Variants in LDAH observed in about 807,000 individuals in gnomAD.
LDAH encodes lipid droplet-associated hydrolase.
Under a neutral mutation model 29.6 loss-of-function variants are expected in LDAH, and 26 were observed. The ratio of observed to expected loss-of-function variants is 0.88; its 90% CI spans 0.64 to 1.22. The LOEUF is 1.22. Among genes scored for constraint, LDAH ranks in the 50% most tolerant of loss-of-function variants. The pLI is 0.00. For synonymous variants in LDAH, 117 were observed against 133.0 expected (o/e 0.88, Z 0.83); for missense variants, 344 against 387.3 (o/e 0.89, Z 0.94).
At chr2:20,751,829 A>G (rs1667993889) in intron 4 of LDAH, among the ~76,000 whole-genome samples, 1 of 152,228 alleles carries the variant, frequency 6.6e-6, no homozygotes, top group Non-Finnish European at 1.5e-5. Context: ...TACTGTATCA[A>G]TGATGAGTGG....
At chr2:20,806,259 G>C (rs913270637) in intron 1 of LDAH, among the ~76,000 whole-genome samples, 1 of 152,148 alleles carries the variant, frequency 6.6e-6, no homozygotes, top group African/African-American at 2.4e-5. Context: ...TGAACAGGAA[G>C]CTTCTAAAAC....
At chr2:20,789,737 C>T (rs555713689) in intron 3 of LDAH, among the ~76,000 whole-genome samples, 4 of 152,156 alleles carry the variant, frequency 2.6e-5, no homozygotes, top group East Asian at 1.9e-4. Context: ...TGAGCATTAC[C>T]GCCTGAGCTC....
At chr2:20,763,741 C>T (rs1398078264) in intron 4 of LDAH, among the ~76,000 whole-genome samples, 2 of 152,168 alleles carry the variant, frequency 1.3e-5, no homozygotes, top group African/African-American at 2.4e-5. Flanking sequence ...GGGAACTTTT[C>T]GATATCTGAC....
intron 5 of LDAH, among the ~76,000 whole-genome samples, chr2:20,720,710 A>G (rs1265397176): frequency 6.6e-6 from 1 of 152,124 alleles, no homozygotes; most frequent in African/African-American, 2.4e-5. Flanking sequence ...CAAAGCTGGA[A>G]GCATCATACT....
Position 20,789,327 on chromosome 2 carries a change from A to AT in LDAH, c.298+927_298+928insA, listed in dbSNP as rs1423234164. ...CCTCCTGTGTCCACCACGAGAGGAC[A>AT]GCAAGAATGCCACCTGTGAATCGGG... On this transcript the variant is annotated intron_variant, in intron 3 of 6. Transcript: ENST00000237822. 39 of 1,536,426 alleles carry AT rather than the reference A, an allele frequency of 2.5e-5. No individual in the cohort carries two copies. In the African/African-American group the frequency reaches 4.4e-4, roughly 17 times the overall value.
chr2:20,729,660 A>T (rs1361580384), intron 5 of LDAH, among the ~76,000 whole-genome samples: 3 of 152,182 alleles, frequency 2.0e-5, no homozygotes, highest in African/African-American at 7.2e-5. Context: ...TTTTAATTCA[A>T]CTTTTATTTT....
chr2:20,775,549 A>C (rs1669754833), intron 3 of LDAH, among the ~76,000 whole-genome samples: 1 of 152,230 alleles, frequency 6.6e-6, no homozygotes, highest in Non-Finnish European at 1.5e-5. Flanking sequence ...TAGACAACTA[A>C]GAAAGTCCAT....
At position 20,783,690 on chromosome 2, in the gene LDAH, TTTTG is replaced by T. The variant is rs374602496; in HGVS notation, c.298+6561_298+6564del. Among the ~76,000 whole-genome samples the T allele has an allele frequency of 3.1e-3, 468 of 152,272 alleles. 5 individuals are homozygous for T. The South Asian group carries it at 0.038, about 12-fold the overall frequency. On this transcript the variant is annotated intron_variant, in intron 3 of 6. Transcript: ENST00000237822. ...ATATCTGTGTCTTTATACTTAAAGT[TTTTG>T]TTTGTTTGTTTTAAAATGTTTATTT...
rs3047714 is a variant in LDAH, at chr2:20,738,253, A to AAATAATAATAATAAT, written c.703+1703_703+1717dup. ...GGCAACAGAGTGAGATTCCATCTCA[A>AAATAATAATAATAAT]AATAATAATAATAATAATAATAATA... On this transcript the variant is annotated intron_variant, in intron 5 of 6. Transcript: ENST00000237822. Among the ~76,000 whole-genome samples, 598 of 141,798 alleles carry AAATAATAATAATAAT rather than the reference A, an allele frequency of 4.2e-3. 3 individuals carry two copies. The highest frequency in any genetic ancestry group is 7.8e-3 in the African/African-American group (284 of 36,304). 93.0% of individuals were successfully genotyped at this position (141,798 alleles called of 152,430 possible).
At chr2:20,693,922 A>G (rs1363831074) in intron 6 of LDAH, among the ~76,000 whole-genome samples, 1 of 152,270 alleles carries the variant, frequency 6.6e-6, no homozygotes. Context: ...GAGGAGTGAC[A>G]CAGATTCTGA....
At chr2:20,793,294 T>G (rs990276953) in intron 2 of LDAH, among the ~76,000 whole-genome samples, 6 of 151,596 alleles carry the variant, frequency 4.0e-5, no homozygotes, top group African/African-American at 1.5e-4. Context: ...GAAAAAAAGG[T>G]CTGAGGAGGT....
intron 5 of LDAH, among the ~76,000 whole-genome samples, chr2:20,731,285 G>T (rs1419258500): frequency 1.3e-5 from 2 of 152,180 alleles, no homozygotes; most frequent in African/African-American, 2.4e-5. Context: ...CCTTGGTGCT[G>T]TTATAGAAAT....
At chr2:20,752,979 A>G (rs982753754) in intron 4 of LDAH, among the ~76,000 whole-genome samples, 4 of 1,812 alleles carry the variant, frequency 2.2e-3, no homozygotes, top group Admixed American at 0.014. Context: ...AACAACGACA[A>G]CAACAACAAC....
intron 3 of LDAH, among the ~76,000 whole-genome samples, chr2:20,776,359 C>G (rs1241552975): frequency 6.6e-6 from 1 of 152,132 alleles, no homozygotes; most frequent in Non-Finnish European, 1.5e-5. Flanking sequence ...TAAAGTGGCT[C>G]TCTTTTCAGT....
chr2:20,688,918 C>T (rs1477551085), intron 6 of LDAH, among the ~76,000 whole-genome samples: 1 of 148,894 alleles, frequency 6.7e-6, no homozygotes, highest in South Asian at 2.2e-4. Context: ...TATACACGTG[C>T]CACGGTGGTT....
At chr2:20,784,868 G>C (rs1670437957) in intron 3 of LDAH, among the ~76,000 whole-genome samples, 1 of 151,960 alleles carries the variant, frequency 6.6e-6, no homozygotes, top group South Asian at 2.1e-4. Context: ...GCCTGGGCGA[G>C]AGAGTGAGAC....
At chr2:20,733,673 G>GGA (rs1054166322) in intron 5 of LDAH, among the ~76,000 whole-genome samples, 46 of 151,782 alleles carry the variant, frequency 3.0e-4, no homozygotes, top group Non-Finnish European at 5.4e-4. Flanking sequence ...CAAAGTGCTG[G>GGA]GATTACATGC....
rs192958044 is a variant in LDAH at position 20,765,653 on chromosome 2, C to T, written c.468+9157G>A. Among the ~76,000 whole-genome samples the T allele has an allele frequency of 2.5e-4, 38 of 152,172 alleles. 1 individual carries two copies. The highest frequency in any genetic ancestry group is 6.3e-4 in the African/African-American group (26 of 41,512). ...TCACTCATTGGGCTGCATTCAGTGG[C>T]GGATGGGCTGGGCTGAGATGGGCTG... On this transcript the variant is annotated intron_variant, in intron 4 of 6. Coordinates refer to ENST00000237822, the MANE Select transcript of LDAH (RefSeq NM_021925.4).
intron 1 of LDAH, among the ~76,000 whole-genome samples, chr2:20,814,567 C>A (rs1057461326): frequency 1.3e-5 from 2 of 152,204 alleles, no homozygotes; most frequent in East Asian, 3.9e-4. Flanking sequence ...CTCAAGTGAT[C>A]CTCCAGCCTC....
Sources: gnomAD v4.1 joint callset for allele counts (sites outside exome capture counted in the v4.1 genomes callset) on GRCh38, gnomAD v4.1.1 for gene constraint, MANE v1.5 for transcripts, NCBI Gene and HGNC (gene_info 2026-07-23, HGNC 2026-07-21) for gene names.